The following CFAP299 variants were observed in gnomAD, a reference collection of about 807,000 sequenced individuals.
CFAP299 encodes cilia and flagella associated protein 299, also known as cilia- and flagella-associated protein 299.
Under a neutral mutation model 27.0 loss-of-function variants are expected in CFAP299, and 21 were observed. The ratio of observed to expected loss-of-function variants is 0.78; its 90% CI spans 0.55 to 1.12. The LOEUF (loss-of-function observed/expected upper bound fraction) is 1.12, where lower values mean the gene tolerates loss of function less well. Ranked by LOEUF, CFAP299 falls within the 50% of genes most tolerant of loss-of-function variation. The pLI is 0.00. For missense variants in CFAP299, 310 were observed against 276.6 expected (o/e 1.12, Z -0.86); for synonymous variants, 104 against 98.1 (o/e 1.06, Z -0.36).
rs143015663 is a variant in CFAP299 at position 80,717,102 on chromosome 4, A to T, written c.333+133919A>T. The stretch of plus-strand genomic sequence containing the variant: ...TGCTGGGGCTACACCAATGAATACG[A>T]CAGATACGTTTTTCCTTTTTTATGA... On this transcript the variant is annotated intron_variant, in intron 3 of 5. Transcript: ENST00000358105. Among the ~76,000 whole-genome samples the T allele has an allele frequency of 2.7e-4, 41 of 152,270 alleles. 1 individual carries two copies. Among genetic ancestry groups the T allele is most frequent in the Admixed American group, 5.2e-4 (8 of 15,270 alleles).
Position 80,860,795 on chromosome 4 carries a change from G to A in CFAP299, c.334-9198G>A, listed in dbSNP as rs563989974. Among the ~76,000 whole-genome samples the A allele has an allele frequency of 9.2e-5, 14 of 152,272 alleles. No homozygotes were observed. In the East Asian group the frequency reaches 1.2e-3, roughly 13 times the overall value. On this transcript the variant is annotated intron_variant, in intron 3 of 5. Coordinates refer to ENST00000358105, the MANE Select transcript of CFAP299 (RefSeq NM_152770.3). ...TTTTGTCTCAGAGGAGTACCTGGCC[G>A]TGTGAGGTGTCAGTCTGCCCCTACT...
chr4:80,810,886 G>A (rs1389191), intron 3 of CFAP299, among the ~76,000 whole-genome samples: 15,479 of 152,046 alleles, frequency 0.1, 1,090 homozygotes, highest in East Asian at 0.22. Context: ...CCAGCCTGAT[G>A]CAACATCCCC....
At chr4:80,373,576 A>G (rs1446163652) in intron 2 of CFAP299, among the ~76,000 whole-genome samples, 2 of 152,170 alleles carry the variant, frequency 1.3e-5, no homozygotes, top group Non-Finnish European at 2.9e-5. Flanking sequence ...AAATTGAGTT[A>G]TTCCTTTATT....
In CFAP299 at chr4:80,692,165, G is replaced by A. The variant is rs903717345; in HGVS notation, c.333+108982G>A. 2.0e-5 allele frequency among the ~76,000 whole-genome samples: 3 copies of A among 152,070 alleles called. No individual in the cohort carries two copies. In the South Asian group the frequency reaches 6.2e-4, roughly 32 times the overall value. Reference sequence around the variant, plus strand: ...ATGCCATCCCCATCAAGCTACCAAGGACTTTCTTCACAGAATTGGGAAAAA... The same window carrying A: ...ATGCCATCCCCATCAAGCTACCAAGAACTTTCTTCACAGAATTGGGAAAAA... On this transcript the variant is annotated intron_variant, in intron 3 of 5. Coordinates refer to ENST00000358105, the MANE Select transcript of CFAP299 (RefSeq NM_152770.3).
chr4:80,747,823 G>A (rs927563980), intron 3 of CFAP299, among the ~76,000 whole-genome samples: 5 of 151,850 alleles, frequency 3.3e-5, no homozygotes, highest in African/African-American at 7.3e-5. Context: ...TTCCTCTCAG[G>A]TGCTCTTATC....
chr4:80,360,045 A>T (rs1022597573), intron 1 of CFAP299, among the ~76,000 whole-genome samples: 26 of 152,150 alleles, frequency 1.7e-4, no homozygotes, highest in Non-Finnish European at 3.2e-4. Flanking sequence ...TGGCTATGGT[A>T]TAAAGTGGAT....
chr4:80,627,051 C>G (rs1360649599), intron 3 of CFAP299, among the ~76,000 whole-genome samples: 1 of 151,486 alleles, frequency 6.6e-6, no homozygotes. Flanking sequence ...CTACAAAAAA[C>G]CCTACAGACC....
At chr4:80,891,321 C>T (rs1246814459) in intron 4 of CFAP299, among the ~76,000 whole-genome samples, 6 of 151,520 alleles carry the variant, frequency 4.0e-5, no homozygotes, top group Admixed American at 4.0e-4. Flanking sequence ...ATAGGGAATC[C>T]TTTCCCCATT....
At chr4:80,891,389 G>C (rs1436012178) in intron 4 of CFAP299, among the ~76,000 whole-genome samples, 2 of 151,644 alleles carry the variant, frequency 1.3e-5, no homozygotes, top group African/African-American at 2.4e-5. Context: ...TGATAGACTG[G>C]ATTAAGAAAA....
chr4:80,634,017 C>A (rs1358876564), intron 3 of CFAP299, among the ~76,000 whole-genome samples: 1 of 139,206 alleles, frequency 7.2e-6, no homozygotes, highest in Non-Finnish European at 1.5e-5. Flanking sequence ...CGAAATCTAG[C>A]TCTGTCGCCC....
intron 2 of CFAP299, among the ~76,000 whole-genome samples, chr4:80,566,556 T>C (rs1438569274): frequency 5.3e-5 from 8 of 152,092 alleles, no homozygotes; most frequent in Non-Finnish European, 8.8e-5. Flanking sequence ...ACTAGACATA[T>C]GTAGCATAAG....
At chr4:80,769,153 A>T (rs1305589401) in intron 3 of CFAP299, among the ~76,000 whole-genome samples, 1 of 152,210 alleles carries the variant, frequency 6.6e-6, no homozygotes, top group African/African-American at 2.4e-5. Context: ...CTTGGAAATA[A>T]TGATAAATAC....
At chr4:80,388,185 A>G in intron 2 of CFAP299, 1 of 688,796 alleles carries the variant, frequency 1.5e-6, no homozygotes, top group Non-Finnish European at 2.7e-6. Context: ...GGAGGGGGTG[A>G]AGGCTAGGTG....
At chr4:80,720,395 CCTAGATTAAATGTTTCT>C (rs1722743983) in intron 3 of CFAP299, among the ~76,000 whole-genome samples, 1 of 152,032 alleles carries the variant, frequency 6.6e-6, no homozygotes, top group African/African-American at 2.4e-5. Flanking sequence ...GAAAATTAAT[CCTAGATTAAATGTTTCT>C]CTAGCCCCAC....
chr4:80,775,631 A>C (rs1726491939), intron 3 of CFAP299, among the ~76,000 whole-genome samples: 1 of 152,100 alleles, frequency 6.6e-6, no homozygotes, highest in South Asian at 2.1e-4. Context: ...TTTACTAAAA[A>C]AAAGCACCAG....
intron 2 of CFAP299, among the ~76,000 whole-genome samples, chr4:80,568,399 C>T (rs1578611505): frequency 6.6e-6 from 1 of 151,936 alleles, no homozygotes; most frequent in Non-Finnish European, 1.5e-5. Flanking sequence ...AAAATTAATC[C>T]TAGAAAAATC....
intron 3 of CFAP299, among the ~76,000 whole-genome samples, chr4:80,809,547 C>T (rs1729035757): frequency 6.6e-6 from 1 of 152,068 alleles, no homozygotes; most frequent in African/African-American, 2.4e-5. Flanking sequence ...GTCATAATTG[C>T]CACCACCCTA....
At chr4:80,798,782 C>A (rs1728020434) in intron 3 of CFAP299, among the ~76,000 whole-genome samples, 1 of 151,996 alleles carries the variant, frequency 6.6e-6, no homozygotes, top group Non-Finnish European at 1.5e-5. Flanking sequence ...ATTCTTCACA[C>A]ATAATCAAAC....
chr4:80,866,059 T>TTATATATATATATATATATATATA lies in CFAP299; in HGVS notation c.334-3920_334-3897dup, dbSNP rs70956073. 7.4e-4 allele frequency among the ~76,000 whole-genome samples: 43 copies of TTATATATATATATATATATATATA among 58,372 alleles called. 6 individuals carry two copies. Among genetic ancestry groups the TTATATATATATATATATATATATA allele is most frequent in the Non-Finnish European group, 1.6e-3 (35 of 22,332 alleles). The allele number at this position is 58,372 out of a possible 152,430, so 38.3% of individuals were successfully genotyped here. On this transcript the variant is annotated intron_variant, in intron 3 of 5. Transcript: ENST00000358105. ...CTTGTGCACCGTAGAACTTAAAGTA[T>TTATATATATATATATATATATATA]TATATATATATATATATATATATAT...
Sources: allele counts gnomAD v4.1 joint callset (sites outside exome capture counted in the v4.1 genomes callset), GRCh38; gene constraint gnomAD v4.1.1; transcripts MANE v1.5; gene names NCBI Gene and HGNC (gene_info 2026-07-23, HGNC 2026-07-21).